RAB28: variants seen among roughly 807,000 people sequenced by gnomAD.
RAB28 encodes ras-related protein Rab-28.
A neutral mutation model predicts 31.7 loss-of-function variants in RAB28; 24 were observed. The observed-to-expected ratio is 0.76, with a 90% confidence interval of 0.55 to 1.06. The LOEUF is 1.06. Ranked by LOEUF, RAB28 falls within the 50% of genes least tolerant of loss-of-function variation. The pLI is 0.00. For synonymous variants in RAB28, 100 were observed against 90.4 expected, an observed-to-expected ratio of 1.11 and a Z score of -0.60; for missense variants, 254 against 258.5, an observed-to-expected ratio of 0.98 and a Z score of 0.12.
At chr4:13,388,966 T>C (rs1172883353) in intron 4 of RAB28, among the ~76,000 whole-genome samples, 2 of 152,072 alleles carry the variant, frequency 1.3e-5, no homozygotes, top group Admixed American at 1.3e-4. Context: ...CCCAAAGAAC[T>C]GAATGCAGGG....
intron 5 of RAB28, among the ~76,000 whole-genome samples, chr4:13,378,510 G>C (rs1257502022): frequency 1.3e-5 from 2 of 151,994 alleles, no homozygotes; most frequent in African/African-American, 4.8e-5. Flanking sequence ...AAGGAAATAA[G>C]GCAACAGCTA....
intron 4 of RAB28, among the ~76,000 whole-genome samples, chr4:13,406,267 C>T (rs1238318189): frequency 6.6e-6 from 1 of 152,140 alleles, no homozygotes; most frequent in Non-Finnish European, 1.5e-5. Flanking sequence ...TTTTCTGTTA[C>T]TCTGTTAGTT....
chr4:13,441,885 A>G (rs1423015596), intron 4 of RAB28, among the ~76,000 whole-genome samples: 1 of 152,222 alleles, frequency 6.6e-6, no homozygotes, highest in East Asian at 1.9e-4. Context: ...ACTGCCCCCA[A>G]TCAAAAGAGC....
chr4:13,432,766 C>G (rs781556958), intron 4 of RAB28, among the ~76,000 whole-genome samples: 15 of 152,046 alleles, frequency 9.9e-5, no homozygotes, highest in Non-Finnish European at 2.1e-4. Flanking sequence ...GAGGCTGTCC[C>G]TACAAGAAAT....
chr4:13,419,750 C>A (rs1045978679), intron 4 of RAB28, among the ~76,000 whole-genome samples: 20 of 152,154 alleles, frequency 1.3e-4, no homozygotes, highest in Admixed American at 6.5e-5. Context: ...ACATTTAAAG[C>A]AGTGTGTAGA....
chr4:13,454,506 G>A lies in RAB28; in HGVS notation c.391+6193C>T, dbSNP rs368652452. ...TAAGAAGAGACTTACTCATATAGATGGGCCCTGGGTGTCAGTTTAGTGAAG... is the reference window on the plus strand; with the variant it reads ...TAAGAAGAGACTTACTCATATAGATAGGCCCTGGGTGTCAGTTTAGTGAAG... On this transcript the variant is annotated intron_variant, in intron 4 of 6. Coordinates refer to ENST00000330852, the MANE Select transcript of RAB28 (RefSeq NM_001017979.3). Among the ~76,000 whole-genome samples the A allele has an allele frequency of 8.5e-5, 13 of 152,226 alleles. No homozygotes were observed. The South Asian group carries it at 2.7e-3, about 32-fold the overall frequency.
rs1050554699 is a variant in RAB28 at position 13,371,720 on chromosome 4, G to A, written c.574-3070C>T. On this transcript the variant is annotated intron_variant, in intron 6 of 6. Transcript: ENST00000330852. ...CATGTCATAAACTTCATGGTAGGTG[G>A]TTTCACTGTAGTCAGCTTATTTAAA... 4 of 1,535,020 alleles carry A rather than the reference G, an allele frequency of 2.6e-6. No individual in the cohort carries two copies. In the African/African-American group the frequency reaches 5.6e-5, roughly 21 times the overall value.
chr4:13,399,107 C>T (rs1018628223), intron 4 of RAB28, among the ~76,000 whole-genome samples: 4 of 152,124 alleles, frequency 2.6e-5, no homozygotes, highest in African/African-American at 7.2e-5. Context: ...ACTTTATATA[C>T]GGGCACACAT....
intron 4 of RAB28, among the ~76,000 whole-genome samples, chr4:13,430,407 T>C (rs951690006): frequency 2.6e-5 from 4 of 152,104 alleles, no homozygotes; most frequent in Admixed American, 2.0e-4. Flanking sequence ...CCCAAGAAAC[T>C]CAGAGTCCCA....
intron 3 of RAB28, among the ~76,000 whole-genome samples, chr4:13,467,938 G>A (rs544725978): frequency 1.8e-4 from 28 of 151,886 alleles, no homozygotes; most frequent in Non-Finnish European, 3.5e-4. Context: ...TAGAAAAATA[G>A]CATGAAAACA....
intron 4 of RAB28, among the ~76,000 whole-genome samples, chr4:13,432,856 C>T (rs780106337): frequency 2.0e-5 from 3 of 151,902 alleles, no homozygotes; most frequent in Non-Finnish European, 4.4e-5. Context: ...AGAGCAATTA[C>T]ACAATTGAGA....
rs2108982514 is a variant in RAB28, at chr4:13,484,309, A to G, written c.-159T>C. The G allele has an allele frequency of 1.6e-6, 1 of 626,062 alleles. No individual in the cohort carries two copies. Among genetic ancestry groups the G allele is most frequent in the Non-Finnish European group, 2.9e-6 (1 of 342,282 alleles). 38.8% of individuals were successfully genotyped at this position (626,062 alleles called of 1,614,324 possible). A position where few individuals can be genotyped will look rare whatever the true frequency, so the allele number is the denominator to read the frequency against. On this transcript the variant is annotated 5_prime_UTR_variant, in exon 1 of 7. Transcript: ENST00000330852. The stretch of plus-strand genomic sequence containing the variant: ...GGTATTCGAGGAGAATCACTCGGCA[A>G]GCGCCATCTTGCCCACCTCCCCGCC...
chr4:13,442,419 C>G (rs1050715358), intron 4 of RAB28, among the ~76,000 whole-genome samples: 2 of 150,806 alleles, frequency 1.3e-5, no homozygotes, highest in African/African-American at 4.9e-5. Context: ...AGCACAAGAG[C>G]TTTCACCATT....
At chr4:13,387,074 T>C (rs527573045) in intron 4 of RAB28, among the ~76,000 whole-genome samples, 4 of 151,892 alleles carry the variant, frequency 2.6e-5, no homozygotes, top group South Asian at 2.1e-4. Context: ...AGGGGAACAA[T>C]AGACACTGTG....
intron 4 of RAB28, among the ~76,000 whole-genome samples, chr4:13,447,472 AAG>A (rs754227606): frequency 7.2e-5 from 11 of 151,888 alleles, no homozygotes; most frequent in African/African-American, 1.2e-4. Context: ...TTATAAAAAA[AAG>A]AGAGAGAGAG....
chr4:13,370,433 G>A (rs1728674985), intron 6 of RAB28: 2 of 799,164 alleles, frequency 2.5e-6, no homozygotes, highest in East Asian at 1.3e-4. Flanking sequence ...GTGAAAGTAT[G>A]GGCGACTTAC....
chr4:13,400,936 A>G (rs2108900136), intron 4 of RAB28, among the ~76,000 whole-genome samples: 1 of 152,220 alleles, frequency 6.6e-6, no homozygotes, highest in South Asian at 2.1e-4. Context: ...ATAATATAGT[A>G]CCCTTTGTAT....
chr4:13,455,848 G>A (rs1049698858), intron 4 of RAB28, among the ~76,000 whole-genome samples: 2 of 152,198 alleles, frequency 1.3e-5, no homozygotes, highest in African/African-American at 4.8e-5. Flanking sequence ...AATCTGATCT[G>A]GACAGGGGAG....
chr4:13,387,739 T>C (rs551900369), intron 4 of RAB28, among the ~76,000 whole-genome samples: 1 of 152,188 alleles, frequency 6.6e-6, no homozygotes, highest in Non-Finnish European at 1.5e-5. Context: ...ACATGATTGA[T>C]TCTTCAATTT....
Sources: allele counts gnomAD v4.1 joint callset (sites outside exome capture counted in the v4.1 genomes callset), GRCh38; gene constraint gnomAD v4.1.1; transcripts MANE v1.5; gene names NCBI Gene and HGNC (gene_info 2026-07-23, HGNC 2026-07-21).